Variants in HPSE2 observed in about 807,000 individuals in gnomAD.
HPSE2 encodes heparanase 2 (inactive).
Under a neutral mutation model 60.5 loss-of-function variants are expected in HPSE2, and 38 were observed. That is an observed-to-expected ratio of 0.63 (90% CI 0.48 to 0.82). The LOEUF (loss-of-function observed/expected upper bound fraction) is 0.82. Among genes scored for constraint, HPSE2 ranks in the 40% least tolerant of loss-of-function variants. The pLI, the probability that HPSE2 is intolerant of heterozygous loss-of-function variation, is 0.00. For synonymous variants in HPSE2, 295 were observed against 293.2 expected (o/e 1.01, Z -0.06); for missense variants, 713 against 740.4 (o/e 0.96, Z 0.43).
chr10:98,661,458 C>T (rs1947222982), intron 6 of HPSE2, among the ~76,000 whole-genome samples: 1 of 152,180 alleles, frequency 6.6e-6, no homozygotes. Context: ...GACTTTATTT[C>T]CCTCCTTGGA....
At chr10:98,943,693 G>C (rs560432359) in intron 3 of HPSE2, among the ~76,000 whole-genome samples, 3 of 152,236 alleles carry the variant, frequency 2.0e-5, no homozygotes, top group African/African-American at 7.2e-5. Flanking sequence ...ATATCATGAG[G>C]ACATTCAGGA....
chr10:99,309,566 G>T, the HPSE2 span, among the ~76,000 whole-genome samples: 130,597 of 152,258 alleles, frequency 0.86, 56,400 homozygotes, highest in African/African-American at 0.93. Flanking sequence ...GTCAGCAAAC[G>T]ATTATGCACC....
intron 9 of HPSE2, among the ~76,000 whole-genome samples, chr10:98,534,838 A>C (rs1219775462): frequency 1.3e-5 from 2 of 152,240 alleles, no homozygotes; most frequent in Non-Finnish European, 2.9e-5. Flanking sequence ...CTAAAGAGAT[A>C]TTTCCAGATA....
chr10:99,018,309 G>A (rs1181380796), intron 3 of HPSE2, among the ~76,000 whole-genome samples: 3 of 152,232 alleles, frequency 2.0e-5, no homozygotes, highest in Admixed American at 6.5e-5. Context: ...GGGAATGGGA[G>A]TAGTTTACGG....
rs139563466 is a variant in HPSE2, at chr10:98,973,165, T to C, written c.610+171073A>G. On this transcript the variant is annotated intron_variant, in intron 3 of 11. Coordinates refer to ENST00000370552, the MANE Select transcript of HPSE2 (RefSeq NM_021828.5). ...GTGGAAATGATAATAAACTACATTA[T>C]TGAATTATAAATTTAAGGCTTATTA... Among the ~76,000 whole-genome samples the C allele has an allele frequency of 1.6e-4, 25 of 152,270 alleles. No homozygotes were observed. In the East Asian group the frequency reaches 2.3e-3, roughly 14 times the overall value.
At chr10:98,561,707 G>C (rs963432204) in intron 9 of HPSE2, among the ~76,000 whole-genome samples, 4 of 152,156 alleles carry the variant, frequency 2.6e-5, no homozygotes, top group Non-Finnish European at 5.9e-5. Context: ...AATTAGCTGG[G>C]TGTGGTGGCG....
Position 98,459,418 on chromosome 10 carries a change from C to T in HPSE2, c.*156G>A, listed in dbSNP as rs903537657. On this transcript the variant is annotated 3_prime_UTR_variant, in exon 12 of 12. Transcript: ENST00000370552. Reference sequence around the variant, plus strand: ...TACCTAGGCTAAGATCACGCTATGACATTTAGTCTCTTTGGAGAGCAAGTC... The same window carrying T: ...TACCTAGGCTAAGATCACGCTATGATATTTAGTCTCTTTGGAGAGCAAGTC... 2 of 853,786 alleles carry T rather than the reference C, an allele frequency of 2.3e-6. No individual in the cohort carries two copies. Among genetic ancestry groups the T allele is most frequent in the Non-Finnish European group, 4.0e-6 (2 of 505,058 alleles). The allele number at this position is 853,786 out of a possible 1,614,324, so 52.9% of individuals were successfully genotyped here. A position where few individuals can be genotyped will look rare whatever the true frequency, so the allele number is the denominator to read the frequency against.
At chr10:99,013,459 A>G (rs1957064478) in intron 3 of HPSE2, 1 of 454,964 alleles carries the variant, frequency 2.2e-6, no homozygotes, top group Admixed American at 2.9e-5. Flanking sequence ...GGAAATGTAT[A>G]TTATTATGAT....
chr10:98,536,772 G>A (rs1378100227), intron 9 of HPSE2, among the ~76,000 whole-genome samples: 1 of 152,158 alleles, frequency 6.6e-6, no homozygotes, highest in East Asian at 1.9e-4. Context: ...AGGGACTGTG[G>A]TAGGCACTGG....
intron 3 of HPSE2, among the ~76,000 whole-genome samples, chr10:98,873,531 A>G (rs890931215): frequency 2.0e-5 from 3 of 152,070 alleles, no homozygotes; most frequent in Non-Finnish European, 4.4e-5. Flanking sequence ...TGAAAAGGAC[A>G]TGATCTCATT....
intron 3 of HPSE2, among the ~76,000 whole-genome samples, chr10:98,767,911 A>G (rs1950160175): frequency 6.7e-6 from 1 of 148,336 alleles, no homozygotes; most frequent in South Asian, 2.1e-4. Flanking sequence ...TAAGCATATA[A>G]TATATTAAAC....
intron 3 of HPSE2, among the ~76,000 whole-genome samples, chr10:99,025,618 C>T (rs1957361266): frequency 6.6e-6 from 1 of 152,106 alleles, no homozygotes; most frequent in African/African-American, 2.4e-5. Context: ...CTGAATACCA[C>T]ATGTTCTCAC....
At chr10:98,496,989 T>C (rs1198004667) in intron 9 of HPSE2, among the ~76,000 whole-genome samples, 1 of 152,142 alleles carries the variant, frequency 6.6e-6, no homozygotes, top group African/African-American at 2.4e-5. Context: ...TAGATACATC[T>C]TCACTTATAT....
chr10:99,212,338 G>A (rs1268626907), intron 2 of HPSE2, among the ~76,000 whole-genome samples: 1 of 152,036 alleles, frequency 6.6e-6, no homozygotes, highest in African/African-American at 2.4e-5. Flanking sequence ...AAATCACTAT[G>A]TCAAACAGAT....
chr10:98,478,048 T>A (rs1008489271), intron 11 of HPSE2, among the ~76,000 whole-genome samples: 1 of 152,210 alleles, frequency 6.6e-6, no homozygotes, highest in Non-Finnish European at 1.5e-5. Context: ...CAGTCCCTGG[T>A]GCTAAAACAG....
chr10:99,140,863 C>T (rs530088110), intron 3 of HPSE2, among the ~76,000 whole-genome samples: 1 of 152,084 alleles, frequency 6.6e-6, no homozygotes, highest in Non-Finnish European at 1.5e-5. Context: ...ATGGTGAAAC[C>T]CCATCTCTAC....
intron 9 of HPSE2, among the ~76,000 whole-genome samples, chr10:98,589,452 A>G (rs907390298): frequency 6.6e-5 from 10 of 152,212 alleles, no homozygotes; most frequent in Admixed American, 5.2e-4. Flanking sequence ...GAGCCCTGGG[A>G]TGAGACTTCA....
intron 3 of HPSE2, among the ~76,000 whole-genome samples, chr10:98,958,932 G>C (rs757823034): frequency 6.6e-5 from 10 of 152,092 alleles, no homozygotes; most frequent in Non-Finnish European, 1.3e-4. Flanking sequence ...ACCACTGCTA[G>C]CTATGTGACC....
At chr10:99,262,356 C>T in the HPSE2 span, among the ~76,000 whole-genome samples, 1 of 152,142 alleles carries the variant, frequency 6.6e-6, no homozygotes, top group South Asian at 2.1e-4. Flanking sequence ...TACGTTGAGA[C>T]ATTTTAACTA....
Sources: allele counts gnomAD v4.1 joint callset (sites outside exome capture counted in the v4.1 genomes callset), GRCh38; gene constraint gnomAD v4.1.1; transcripts MANE v1.5; gene names NCBI Gene and HGNC (gene_info 2026-07-23, HGNC 2026-07-21).